DDAH1: variants seen among roughly 807,000 people sequenced by gnomAD.
DDAH1 encodes the protein dimethylarginine dimethylaminohydrolase 1, also known as N(G),N(G)-dimethylarginine dimethylaminohydrolase 1.
DDAH1 carries 19 observed loss-of-function variants against 28.8 expected under a neutral mutation model. The ratio of observed to expected loss-of-function variants is 0.66; its 90% confidence interval spans 0.46 to 0.97. DDAH1 has a LOEUF of 0.97. Among genes scored for constraint, DDAH1 ranks in the 50% least tolerant of loss-of-function variants. The probability of loss-of-function intolerance (pLI) is 0.00; values close to 1 mark genes in which losing one functional copy is unlikely to be tolerated. For missense variants in DDAH1, 326 were observed against 375.9 expected (o/e 0.87, Z 1.10); for synonymous variants, 153 against 154.4 (o/e 0.99, Z 0.07).
At chr1:85,435,390 ATTCT>A (rs542375019) in intron 1 of DDAH1, 50 of 152,338 alleles carry the variant, frequency 3.3e-4, no homozygotes, top group African/African-American at 1.1e-3. Flanking sequence ...TCCAACAGTT[ATTCT>A]TTCATTCACT....
chr1:85,445,694 T>C (rs1424522926), intron 1 of DDAH1, among the ~76,000 whole-genome samples: 1 of 152,190 alleles, frequency 6.6e-6, no homozygotes, highest in Admixed American at 6.5e-5. Flanking sequence ...CATTGAAGCC[T>C]TGATCTCCTA....
intron 1 of DDAH1, chr1:85,404,501 C>T (rs1422000982): frequency 8.8e-6 from 13 of 1,473,288 alleles, no homozygotes; most frequent in Middle Eastern, 1.7e-4. Context: ...CAGTCTGACC[C>T]GGATTGAGCC....
rs549493924 is a variant in DDAH1, at chr1:85,347,190, T to C, written c.597+3225A>G. 3.3e-5 allele frequency among the ~76,000 whole-genome samples: 5 copies of C among 152,316 alleles called. No individual in the cohort carries two copies. In the South Asian group the frequency reaches 6.2e-4, roughly 19 times the overall value. On this transcript the variant is annotated intron_variant, in intron 4 of 5. Coordinates refer to ENST00000284031, the MANE Select transcript of DDAH1 (RefSeq NM_012137.4). Reference sequence around the variant, plus strand: ...GTGGGACTGTCAACTAGTTCAACCATTGTGGAAGACAGTGTGGCGATTCCT... The same window carrying C: ...GTGGGACTGTCAACTAGTTCAACCACTGTGGAAGACAGTGTGGCGATTCCT...
chr1:85,354,933 A>G (rs1649414462), intron 2 of DDAH1, among the ~76,000 whole-genome samples: 1 of 152,084 alleles, frequency 6.6e-6, no homozygotes, highest in African/African-American at 2.4e-5. Flanking sequence ...GGAAGGAAAT[A>G]CAGAAACAGA....
chr1:85,403,200 A>AAT (rs71682030), intron 1 of DDAH1, among the ~76,000 whole-genome samples: 3 of 148,028 alleles, frequency 2.0e-5, no homozygotes, highest in African/African-American at 5.0e-5. Flanking sequence ...TATATATATG[A>AAT]ATATATATAT....
chr1:85,426,745 C>T (rs1570526718), intron 1 of DDAH1, among the ~76,000 whole-genome samples: 1 of 151,438 alleles, frequency 6.6e-6, no homozygotes, highest in Admixed American at 6.6e-5. Context: ...CCCATCTCTA[C>T]AGAAAGTTTT....
In DDAH1 at chr1:85,382,337, A is replaced by G. The variant is rs151193398; in HGVS notation, c.304-23490T>C. On this transcript the variant is annotated intron_variant, in intron 1 of 5. Coordinates refer to ENST00000284031, the MANE Select transcript of DDAH1 (RefSeq NM_012137.4). ...AAGCCTAATCCAGAGCAAGGCCCCA[A>G]CTCTCTTAAATTCTACGAGATCTGA... 4.4e-4 allele frequency among the ~76,000 whole-genome samples: 67 copies of G among 152,316 alleles called. No homozygotes were observed. In the East Asian group the frequency reaches 0.013, roughly 29 times the overall value.
At chr1:85,332,911 G>A (rs1647866197) in intron 4 of DDAH1, among the ~76,000 whole-genome samples, 1 of 152,144 alleles carries the variant, frequency 6.6e-6, no homozygotes, top group Non-Finnish European at 1.5e-5. Context: ...CCAGCCCATT[G>A]CAGCCACCGC....
At position 85,321,336 on chromosome 1, in the gene DDAH1, A is replaced by G. The variant is rs1009247443; in HGVS notation, c.*116T>C. On this transcript the variant is annotated 3_prime_UTR_variant, in exon 6 of 6. Transcript: ENST00000284031. ...TTCAACTTAGAATCAAATTTTGTAAACAAGAGTTAGTAGCACAGTGGCACA... is the reference window on the plus strand; with the variant it reads ...TTCAACTTAGAATCAAATTTTGTAAGCAAGAGTTAGTAGCACAGTGGCACA... 2 of 701,096 alleles carry G rather than the reference A, an allele frequency of 2.9e-6. No individual in the cohort carries two copies. Among genetic ancestry groups the G allele is most frequent in the Admixed American group, 4.4e-5 (2 of 45,860 alleles). 43.4% of individuals were successfully genotyped at this position (701,096 alleles called of 1,614,324 possible).
At chr1:85,341,560 A>C (rs1037614210) in intron 4 of DDAH1, among the ~76,000 whole-genome samples, 1 of 152,242 alleles carries the variant, frequency 6.6e-6, no homozygotes, top group Non-Finnish European at 1.5e-5. Flanking sequence ...TCACGCCTGT[A>C]ATCCCAGCAC....
At chr1:85,508,863 G>A (rs978402635) in intron 1 of DDAH1, among the ~76,000 whole-genome samples, 8 of 152,222 alleles carry the variant, frequency 5.3e-5, no homozygotes, top group Admixed American at 3.9e-4. Flanking sequence ...AAGGCCTACT[G>A]CCTCTAGACT....
chr1:85,367,994 A>G (rs1650163763), intron 1 of DDAH1, among the ~76,000 whole-genome samples: 1 of 152,220 alleles, frequency 6.6e-6, no homozygotes, highest in African/African-American at 2.4e-5. Flanking sequence ...AGTAGTATCC[A>G]AAGAGTCAGT....
chr1:85,348,023 G>A (rs1186980798), intron 4 of DDAH1, among the ~76,000 whole-genome samples: 1 of 152,202 alleles, frequency 6.6e-6, no homozygotes, highest in Non-Finnish European at 1.5e-5. Flanking sequence ...CCACAGGCCT[G>A]TGGTTTAGGC....
chr1:85,341,106 G>A (rs1409284843), intron 4 of DDAH1, among the ~76,000 whole-genome samples: 3 of 152,172 alleles, frequency 2.0e-5, no homozygotes, highest in Non-Finnish European at 2.9e-5. Context: ...TGTGTTGCAC[G>A]GTGACAGTTT....
chr1:85,390,183 T>C (rs1466812406), intron 1 of DDAH1, among the ~76,000 whole-genome samples: 1 of 152,194 alleles, frequency 6.6e-6, no homozygotes, highest in Non-Finnish European at 1.5e-5. Flanking sequence ...CTCTACCTTA[T>C]GGCTAATTAG....
At chr1:85,522,485 CT>C (rs1359158042) in intron 1 of DDAH1, among the ~76,000 whole-genome samples, 1 of 146,910 alleles carries the variant, frequency 6.8e-6, no homozygotes, top group Non-Finnish European at 1.5e-5. Context: ...CTGTGCTAAG[CT>C]ACTGTATGTG....
chr1:85,422,002 G>A (rs1653161548), intron 1 of DDAH1, among the ~76,000 whole-genome samples: 1 of 152,170 alleles, frequency 6.6e-6, no homozygotes, highest in Non-Finnish European at 1.5e-5. Context: ...AGCTTTGAAA[G>A]AAACTACCAA....
chr1:85,473,919 C>T (rs1278934010), intron 2 of DDAH1, among the ~76,000 whole-genome samples: 3 of 152,188 alleles, frequency 2.0e-5, no homozygotes, highest in Non-Finnish European at 4.4e-5. Flanking sequence ...ACTTTCATTT[C>T]TGGTCTTTTC....
At chr1:85,534,985 G>A (rs1171365606) in intron 1 of DDAH1, among the ~76,000 whole-genome samples, 1 of 152,082 alleles carries the variant, frequency 6.6e-6, no homozygotes, top group Non-Finnish European at 1.5e-5. Flanking sequence ...AAGAAAAGGA[G>A]GTGGCGTGGG....
Sources: gnomAD v4.1 joint callset for allele counts (sites outside exome capture counted in the v4.1 genomes callset) on GRCh38, gnomAD v4.1.1 for gene constraint, MANE v1.5 for transcripts, NCBI Gene and HGNC (gene_info 2026-07-23, HGNC 2026-07-21) for gene names.